The following DLC1 variants were observed in gnomAD, a reference collection of about 807,000 sequenced individuals.
The protein encoded by DLC1 is rho GTPase-activating protein 7.
A neutral mutation model predicts 140.3 loss-of-function variants in DLC1; 54 were observed. The observed-to-expected ratio is 0.38, with a 90% CI of 0.31 to 0.48. The LOEUF (loss-of-function observed/expected upper bound fraction) is 0.48. DLC1 is among the 20% of genes least tolerant of loss of function. The pLI is 0.96. For synonymous variants in DLC1, 986 were observed against 728.1 expected, an observed-to-expected ratio of 1.35 and a Z score of -5.70; for missense variants, 2,536 against 1,907.0, an observed-to-expected ratio of 1.33 and a Z score of -6.14.
chr8:13,276,145 A>C (rs1831154272), intron 5 of DLC1: 3 of 1,389,518 alleles, frequency 2.2e-6, no homozygotes, highest in African/African-American at 1.5e-5. Context: ...CAAGAATGAA[A>C]CTTCAACCAG....
chr8:13,558,208 GTTC>G (rs1025282698), intron 1 of DLC1: 1 of 152,122 alleles, frequency 6.6e-6, no homozygotes, highest in Non-Finnish European at 1.5e-5. Flanking sequence ...TTTCTCCCTG[GTTC>G]TTCTATTCTG....
chr8:13,327,530 G>T (rs1187653634), intron 4 of DLC1, among the ~76,000 whole-genome samples: 1 of 149,460 alleles, frequency 6.7e-6, no homozygotes, highest in Non-Finnish European at 1.5e-5. Context: ...ATGTTGCCCT[G>T]GCTGGTCTTG....
intron 2 of DLC1, among the ~76,000 whole-genome samples, chr8:13,492,692 T>C (rs1449358294): frequency 6.6e-6 from 1 of 152,180 alleles, no homozygotes. Context: ...GCACATAGGA[T>C]AGCACCTGGG....
intron 5 of DLC1, among the ~76,000 whole-genome samples, chr8:13,248,541 C>T (rs1406745736): frequency 1.3e-5 from 2 of 152,176 alleles, no homozygotes; most frequent in African/African-American, 4.8e-5. Flanking sequence ...ATATACTTCC[C>T]TTTAACTCCA....
intron 8 of DLC1, 183 bp from the exon 9 acceptor site, chr8:13,100,953 C>CTG: frequency 8.1e-6 from 5 of 618,686 alleles, no homozygotes; most frequent in Non-Finnish European, 1.2e-5. Flanking sequence ...GTTGTACAGG[C>CTG]TGTATTGCCC....
chr8:13,559,037 G>A (rs1290902535), intron 1 of DLC1: 1 of 152,302 alleles, frequency 6.6e-6, no homozygotes, highest in Non-Finnish European at 1.5e-5. Context: ...AACAACTTTG[G>A]TGCATGAAAT....
intron 5 of DLC1, among the ~76,000 whole-genome samples, chr8:13,144,882 A>G (rs1245982759): frequency 1.3e-5 from 2 of 152,350 alleles, no homozygotes; most frequent in East Asian, 1.9e-4. Flanking sequence ...AGAACTGCCT[A>G]GCCATGTCCA....
intron 5 of DLC1, among the ~76,000 whole-genome samples, chr8:13,143,159 A>C (rs953613046): frequency 6.6e-5 from 10 of 152,232 alleles, no homozygotes; most frequent in Admixed American, 2.6e-4. Context: ...TCCATCAGTT[A>C]GAACATACAC....
Position 13,099,973 on chromosome 8 carries a change from G to C in DLC1, c.2364C>G (p.Asn788Lys), listed in dbSNP as rs1818889733. The stretch of plus-strand genomic sequence containing the variant: ...TCTTAAAGTTCTGCTCCACCACGTT[G>C]TTAAATGTTGACTGATTGAAAGGAT... Reference protein sequence around the residue: ...GFDPFNQSTFNNVVEQNFKNR... With the variant: ...GFDPFNQSTFKNVVEQNFKNR... The change falls in exon 9 of 18, where the codon AAC (asparagine) becomes AAG (lysine). Residue 788 changes from asparagine (N) to lysine (K), a missense_variant. By Grantham distance (94) the Asn-to-Lys change is moderately conservative. Transcript: ENST00000276297. 2 of 1,612,564 alleles carry C rather than the reference G, an allele frequency of 1.2e-6. No homozygotes were observed. The highest frequency in any genetic ancestry group is 3.3e-5 in the Admixed American group (2 of 60,008).
intron 4 of DLC1, chr8:13,342,249 ACCT>A (rs1427556860): frequency 6.6e-6 from 1 of 152,184 alleles, no homozygotes; most frequent in Non-Finnish European, 1.5e-5. Context: ...AAAAACAGTC[ACCT>A]CCTATTTCAG....
intron 5 of DLC1, among the ~76,000 whole-genome samples, chr8:13,165,412 C>T (rs948430496): frequency 7.2e-5 from 11 of 152,144 alleles, no homozygotes; most frequent in Non-Finnish European, 1.3e-4. Flanking sequence ...GTAAATGACA[C>T]GTGGACTGAG....
At chr8:13,229,942 T>A (rs1268429600) in intron 5 of DLC1, among the ~76,000 whole-genome samples, 1 of 152,230 alleles carries the variant, frequency 6.6e-6, no homozygotes, top group Non-Finnish European at 1.5e-5. Flanking sequence ...CCCAAAGCTT[T>A]GATGTTGTCA....
At chr8:13,122,187 G>C (rs1027045490) in intron 5 of DLC1, among the ~76,000 whole-genome samples, 1 of 152,068 alleles carries the variant, frequency 6.6e-6, no homozygotes, top group Non-Finnish European at 1.5e-5. Flanking sequence ...GAATTCTTTA[G>C]TGACTTTCCA....
chr8:13,269,440 C>T lies in DLC1; in HGVS notation c.1348+35829G>A, dbSNP rs187340126. On this transcript the variant is annotated intron_variant, in intron 5 of 17. Coordinates refer to ENST00000276297, the MANE Select transcript of DLC1 (RefSeq NM_182643.3). The stretch of plus-strand genomic sequence containing the variant: ...AACTGAATGGCATTTCCTCTTTCTT[C>T]AAGAGTGACAAGCTGGGCACAGTGG... Among the ~76,000 whole-genome samples, 56 of 152,202 alleles carry T rather than the reference C, an allele frequency of 3.7e-4. 1 individual carries two copies. The highest frequency in any genetic ancestry group is 4.6e-4 in the Non-Finnish European group (31 of 68,008).
At chr8:13,531,841 T>C (rs1803109046) in intron 1 of DLC1, among the ~76,000 whole-genome samples, 2 of 152,292 alleles carry the variant, frequency 1.3e-5, no homozygotes, top group Admixed American at 1.3e-4. Context: ...TGCATACTTA[T>C]TTTTGGAAAG....
At chr8:13,394,816 G>A (rs1836944425) in intron 3 of DLC1, among the ~76,000 whole-genome samples, 2 of 152,076 alleles carry the variant, frequency 1.3e-5, no homozygotes, top group African/African-American at 4.8e-5. Context: ...TAGGCCCTGT[G>A]CTCTTTCTTG....
At chr8:13,145,828 C>T (rs944840175) in intron 5 of DLC1, among the ~76,000 whole-genome samples, 6 of 152,072 alleles carry the variant, frequency 3.9e-5, no homozygotes, top group Non-Finnish European at 7.4e-5. Flanking sequence ...GATCAATATT[C>T]AGGATTATGA....
intron 1 of DLC1, among the ~76,000 whole-genome samples, chr8:13,536,831 C>G (rs1803301978): frequency 6.6e-6 from 1 of 152,144 alleles, no homozygotes; most frequent in Non-Finnish European, 1.5e-5. Flanking sequence ...TCCTTTTAAT[C>G]CTTTGTAACT....
chr8:13,117,735 C>T (rs977243988), intron 5 of DLC1, among the ~76,000 whole-genome samples: 1 of 152,292 alleles, frequency 6.6e-6, no homozygotes, highest in Middle Eastern at 3.4e-3. Flanking sequence ...CAGTGCCCGC[C>T]CTTTTTTGAC....
Sources: gnomAD v4.1 joint callset for allele counts (sites outside exome capture counted in the v4.1 genomes callset) on GRCh38, gnomAD v4.1.1 for gene constraint, MANE v1.5 for transcripts, NCBI Gene and HGNC (gene_info 2026-07-23, HGNC 2026-07-21) for gene names.